COG5: variants seen among roughly 807,000 people sequenced by gnomAD.
The protein encoded by COG5 is component of oligomeric golgi complex 5.
Under a neutral mutation model 110.4 loss-of-function variants are expected in COG5, and 86 were observed. The observed-to-expected ratio is 0.78, with a 90% CI of 0.65 to 0.93. The LOEUF (loss-of-function observed/expected upper bound fraction) is 0.93, where lower values mean the gene tolerates loss of function less well. Ranked by LOEUF, COG5 falls within the 40% of genes least tolerant of loss-of-function variation. The pLI is 0.00. For missense variants in COG5, 1,077 were observed against 987.0 expected (o/e 1.09, Z -1.22); for synonymous variants, 360 against 334.6 (o/e 1.08, Z -0.83).
chr7:107,563,758 C>G, intron 1 of COG5, 45 bp downstream of exon 1: 1 of 1,605,348 alleles, frequency 6.2e-7, no homozygotes, highest in Non-Finnish European at 8.5e-7. Context: ...TGCGGAGCAG[C>G]GCAGACCCCC....
chr7:107,370,258 C>A (rs1049532742), intron 8 of COG5, among the ~76,000 whole-genome samples: 2 of 152,028 alleles, frequency 1.3e-5, no homozygotes, highest in Non-Finnish European at 2.9e-5. Flanking sequence ...GAAACACACA[C>A]TGACAGAATC....
intron 6 of COG5, among the ~76,000 whole-genome samples, chr7:107,432,734 T>C (rs1794109084): frequency 6.6e-6 from 1 of 152,112 alleles, no homozygotes; most frequent in Non-Finnish European, 1.5e-5. Context: ...TACCATGTAC[T>C]ATAAAAAGTC....
At chr7:107,352,504 T>TAA (rs549809571) in intron 10 of COG5, among the ~76,000 whole-genome samples, 4 of 130,226 alleles carry the variant, frequency 3.1e-5, no homozygotes, top group Non-Finnish European at 3.4e-5. Context: ...AAGGTAATTG[T>TAA]AAAAAAAAAA....
At chr7:107,425,343 C>CA (rs35373213) in intron 6 of COG5, among the ~76,000 whole-genome samples, 22,382 of 111,092 alleles carry the variant, frequency 0.2, 2,053 homozygotes, top group Non-Finnish European at 0.26. Context: ...ACTCTGTCTC[C>CA]AAAAAAAAAA....
At chr7:107,297,442 C>CTT (rs1806847100) in intron 12 of COG5, among the ~76,000 whole-genome samples, 1 of 99,622 alleles carries the variant, frequency 1.0e-5, no homozygotes. Context: ...GTACATTCTG[C>CTT]CTTTTTTTTT....
chr7:107,294,295 T>A (rs1806415367), intron 12 of COG5, among the ~76,000 whole-genome samples: 1 of 152,154 alleles, frequency 6.6e-6, no homozygotes, highest in South Asian at 2.1e-4. Flanking sequence ...TCCTCTCAAA[T>A]CCATGGCTTG....
At chr7:107,236,042 G>A (rs550572514) in intron 18 of COG5, among the ~76,000 whole-genome samples, 26 of 152,122 alleles carry the variant, frequency 1.7e-4, no homozygotes, top group Admixed American at 5.9e-4. Flanking sequence ...ACACTGCCTC[G>A]GAATGGTGAC....
intron 6 of COG5, among the ~76,000 whole-genome samples, chr7:107,464,835 G>A (rs1056210320): frequency 6.6e-5 from 10 of 152,118 alleles, no homozygotes; most frequent in Admixed American, 1.3e-4. Context: ...TGGATGCTCT[G>A]TATACTACGG....
At chr7:107,400,784 T>A (rs1307938737) in intron 7 of COG5, among the ~76,000 whole-genome samples, 3 of 152,150 alleles carry the variant, frequency 2.0e-5, no homozygotes, top group African/African-American at 7.2e-5. Flanking sequence ...TTATTGTGGA[T>A]TGTTCACAAC....
intron 12 of COG5, among the ~76,000 whole-genome samples, chr7:107,291,019 C>T (rs946323171): frequency 1.2e-4 from 19 of 152,132 alleles, no homozygotes; most frequent in African/African-American, 4.3e-4. Flanking sequence ...ATTTTTACCA[C>T]GATGTATCTG....
At chr7:107,432,408 T>C (rs1004058190) in intron 6 of COG5, among the ~76,000 whole-genome samples, 2 of 152,044 alleles carry the variant, frequency 1.3e-5, no homozygotes, top group African/African-American at 4.8e-5. Flanking sequence ...TCAAGAGTAA[T>C]TGATATACAA....
intron 17 of COG5, among the ~76,000 whole-genome samples, chr7:107,241,352 A>G (rs1004591821): frequency 6.6e-6 from 1 of 150,798 alleles, no homozygotes; most frequent in Non-Finnish European, 1.5e-5. Context: ...TTCCAAATAT[A>G]GTTTTTTTTT....
At chr7:107,349,458 G>T (rs535598249) in intron 10 of COG5, among the ~76,000 whole-genome samples, 3 of 152,166 alleles carry the variant, frequency 2.0e-5, no homozygotes, top group Admixed American at 2.0e-4. Flanking sequence ...GAGTGCAGTG[G>T]TGCGATCTCT....
chr7:107,507,372 C>T (rs1799098313), intron 6 of COG5, among the ~76,000 whole-genome samples: 1 of 150,392 alleles, frequency 6.6e-6, no homozygotes, highest in Non-Finnish European at 1.5e-5. Context: ...CCGCTCACTG[C>T]AAGCTCTGCC....
intron 6 of COG5, among the ~76,000 whole-genome samples, chr7:107,509,844 A>G (rs1337453936): frequency 6.7e-6 from 1 of 148,628 alleles, no homozygotes; most frequent in African/African-American, 2.6e-5. Context: ...CAGACAAGCA[A>G]ATGCTGAGAG....
chr7:107,248,158 C>T lies in COG5; in HGVS notation c.1853+238G>A, dbSNP rs571193976. ...AAGAGAGAAATGTATGCACATGTAACGTGATACTGTTCATAAAGAAAAAGT... is the reference window on the plus strand; with the variant it reads ...AAGAGAGAAATGTATGCACATGTAATGTGATACTGTTCATAAAGAAAAAGT... On this transcript the variant is annotated intron_variant, in intron 17 of 21. Transcript: ENST00000297135. Among the ~76,000 whole-genome samples, 6 of 152,024 alleles carry T rather than the reference C, an allele frequency of 3.9e-5. No homozygotes were observed. In the South Asian group the frequency reaches 1.3e-3, roughly 32 times the overall value.
Position 107,371,795 on chromosome 7 carries a change from C to T in COG5, c.835+800G>A, listed in dbSNP as rs115539295. Among the ~76,000 whole-genome samples, 827 of 152,124 alleles carry T rather than the reference C, an allele frequency of 5.4e-3. 9 individuals carry two copies. The highest frequency in any genetic ancestry group is 0.019 in the African/African-American group (804 of 41,494). On this transcript the variant is annotated intron_variant, in intron 8 of 21. Transcript: ENST00000297135. ...CATTGTCAACCTGGTAGAAAGAAGG[C>T]ATCTGCTAAAGCAATACCTTGTAGT...
intron 12 of COG5, among the ~76,000 whole-genome samples, chr7:107,285,166 T>A (rs1805520207): frequency 6.6e-6 from 1 of 152,350 alleles, no homozygotes; most frequent in Non-Finnish European, 1.5e-5. Context: ...TACAGTCTTG[T>A]GAAGAAATTG....
chr7:107,395,660 T>C (rs1790947003), intron 7 of COG5, among the ~76,000 whole-genome samples: 1 of 145,978 alleles, frequency 6.9e-6, no homozygotes, highest in Non-Finnish European at 1.5e-5. Context: ...GTTCAAGCAA[T>C]TCTCCTGCCT....
Sources: allele counts gnomAD v4.1 joint callset (sites outside exome capture counted in the v4.1 genomes callset), GRCh38; gene constraint gnomAD v4.1.1; transcripts MANE v1.5; gene names NCBI Gene and HGNC (gene_info 2026-07-23, HGNC 2026-07-21).